UPP2: variants seen among roughly 807,000 people sequenced by gnomAD.
UPP2 encodes uridine phosphorylase 2.
Under a neutral mutation model 26.7 loss-of-function variants are expected in UPP2, and 23 were observed. The observed-to-expected ratio is 0.86, with a 90% CI of 0.62 to 1.22. The LOEUF (loss-of-function observed/expected upper bound fraction) is 1.22, where lower values mean the gene tolerates loss of function less well. UPP2 is among the 50% of genes most tolerant of loss of function. UPP2 has a pLI of 0.00. For missense variants in UPP2, 387 were observed against 396.7 expected (o/e 0.98, Z 0.21); for synonymous variants, 127 against 141.3 (o/e 0.90, Z 0.72).
intron 1 of UPP2, among the ~76,000 whole-genome samples, 167 bp from the exon 2 acceptor site, chr2:158,105,932 A>G (rs1461661595): frequency 6.6e-6 from 1 of 152,240 alleles, no homozygotes; most frequent in Non-Finnish European, 1.5e-5. Context: ...GCTCAGTGCT[A>G]TGCTTGGCAC....
chr2:158,095,707 T>TA (rs1219411795), intron 3 of UPP2, among the ~76,000 whole-genome samples: 1 of 152,138 alleles, frequency 6.6e-6, no homozygotes, highest in African/African-American at 2.4e-5. Context: ...TGAAATGAGA[T>TA]ACGGAGTCGA....
intron 3 of UPP2, among the ~76,000 whole-genome samples, chr2:158,034,066 T>C (rs574631851): frequency 8.5e-5 from 13 of 152,276 alleles, no homozygotes; most frequent in African/African-American, 3.1e-4. Flanking sequence ...GGCTCCACAC[T>C]TGGAAGTGGA....
At chr2:158,108,454 CAAAAACAA>C (rs934115661) in intron 2 of UPP2, among the ~76,000 whole-genome samples, 8 of 151,774 alleles carry the variant, frequency 5.3e-5, no homozygotes, top group African/African-American at 1.7e-4. Flanking sequence ...AACACAAAAA[CAAAAACAA>C]AAAAACAAAA....
chr2:158,019,254 T>C (rs1049676729), intron 3 of UPP2, among the ~76,000 whole-genome samples: 5 of 152,080 alleles, frequency 3.3e-5, no homozygotes, highest in Non-Finnish European at 7.4e-5. Context: ...GCATCCAAGA[T>C]GGAGTCACTT....
chr2:158,109,392 C>T (rs1234846667), intron 2 of UPP2, among the ~76,000 whole-genome samples: 2 of 152,156 alleles, frequency 1.3e-5, no homozygotes, highest in Admixed American at 1.3e-4. Context: ...TTCTCACTCA[C>T]ATTAGGTACA....
At chr2:158,073,596 G>T (rs570381523) in intron 3 of UPP2, among the ~76,000 whole-genome samples, 1 of 152,214 alleles carries the variant, frequency 6.6e-6, no homozygotes, top group South Asian at 2.1e-4. Context: ...AACAGCAAGA[G>T]AAAAGAAACA....
chr2:158,029,813 A>T (rs7596057), intron 3 of UPP2, among the ~76,000 whole-genome samples: 9,033 of 144,574 alleles, frequency 0.062, 862 homozygotes, highest in African/African-American at 0.21. Context: ...TTTTTTTTTT[A>T]AAACACTATT....
intron 3 of UPP2, among the ~76,000 whole-genome samples, chr2:158,055,047 T>G (rs1682224900): frequency 6.6e-6 from 1 of 152,230 alleles, no homozygotes; most frequent in Non-Finnish European, 1.5e-5. Flanking sequence ...TAGTTCATTT[T>G]CTGTTGCTTA....
chr2:158,044,474 G>T (rs918942744), intron 3 of UPP2, among the ~76,000 whole-genome samples: 1 of 152,108 alleles, frequency 6.6e-6, no homozygotes, highest in African/African-American at 2.4e-5. Flanking sequence ...CAGGATAACC[G>T]CAAAGAGAGT....
intron 3 of UPP2, among the ~76,000 whole-genome samples, chr2:158,042,538 G>C (rs2105164784): frequency 6.6e-6 from 1 of 152,198 alleles, no homozygotes; most frequent in South Asian, 2.1e-4. Context: ...GACAGCTGTG[G>C]GCAGAAATTT....
At chr2:158,046,035 T>C (rs565820404) in intron 3 of UPP2, among the ~76,000 whole-genome samples, 1 of 152,272 alleles carries the variant, frequency 6.6e-6, no homozygotes, top group African/African-American at 2.4e-5. Context: ...AGACATCACA[T>C]TGACAGAGAA....
chr2:158,036,534 T>C (rs1040506452), intron 3 of UPP2, among the ~76,000 whole-genome samples: 1 of 152,220 alleles, frequency 6.6e-6, no homozygotes, highest in African/African-American at 2.4e-5. Flanking sequence ...CAGTATAAAC[T>C]ATAGCCAGTG....
chr2:158,025,195 C>A (rs938070982), intron 3 of UPP2, among the ~76,000 whole-genome samples: 3 of 144,056 alleles, frequency 2.1e-5, no homozygotes, highest in Admixed American at 2.0e-4. Context: ...GAGCAAGACT[C>A]CCTCTCAAAA....
At chr2:158,065,671 T>C (rs571422583) in intron 3 of UPP2, 3 of 594,246 alleles carry the variant, frequency 5.0e-6, no homozygotes, top group South Asian at 4.7e-5. Flanking sequence ...AGTATGGAGT[T>C]TTCACAATAG....
chr2:158,019,575 G>T (rs773840188), intron 3 of UPP2, among the ~76,000 whole-genome samples: 1 of 151,142 alleles, frequency 6.6e-6, no homozygotes, highest in East Asian at 2.0e-4. Flanking sequence ...TTTAATGATA[G>T]CCTGTATAGG....
upstream of UPP2, among the ~76,000 whole-genome samples, chr2:158,099,622 C>T (rs995190458): frequency 1.3e-5 from 2 of 152,128 alleles, no homozygotes; most frequent in Non-Finnish European, 2.9e-5. Context: ...ACTCTGGTCC[C>T]AGGGCTAGTC....
intron 3 of UPP2, among the ~76,000 whole-genome samples, chr2:158,074,952 C>CA (rs1682608301): frequency 6.8e-6 from 1 of 148,086 alleles, no homozygotes; most frequent in South Asian, 2.1e-4. Flanking sequence ...AAATGGAAAC[C>CA]AAAAAAAGAG....
At chr2:158,119,709 G>A (rs767419271) in intron 4 of UPP2, among the ~76,000 whole-genome samples, 3 of 151,790 alleles carry the variant, frequency 2.0e-5, no homozygotes, top group Non-Finnish European at 2.9e-5. Flanking sequence ...CCACTTACTT[G>A]GATTGTTTAA....
At chr2:158,034,900 G>C (rs1302615559) in intron 3 of UPP2, among the ~76,000 whole-genome samples, 3 of 152,066 alleles carry the variant, frequency 2.0e-5, no homozygotes, top group Admixed American at 2.0e-4. Context: ...GAATTAAGTT[G>C]GCCCTCCTCC....
Sources: gnomAD v4.1 joint callset for allele counts (sites outside exome capture counted in the v4.1 genomes callset) on GRCh38, gnomAD v4.1.1 for gene constraint, MANE v1.5 for transcripts, NCBI Gene and HGNC (gene_info 2026-07-23, HGNC 2026-07-21) for gene names.